The following DAB2IP variants were observed in gnomAD, a reference collection of about 807,000 sequenced individuals.
DAB2IP encodes the protein disabled homolog 2-interacting protein.
Under a neutral mutation model 107.2 loss-of-function variants are expected in DAB2IP, and 28 were observed. The ratio of observed to expected loss-of-function variants is 0.26; its 90% CI spans 0.19 to 0.36. The LOEUF (loss-of-function observed/expected upper bound fraction) is 0.36, where lower values mean the gene tolerates loss of function less well. DAB2IP is among the 10% of genes least tolerant of loss of function. The pLI, the probability that DAB2IP is intolerant of heterozygous loss-of-function variation, is 1.00. For synonymous variants in DAB2IP, 755 were observed against 706.4 expected (o/e 1.07, Z -1.09); for missense variants, 1,400 against 1,644.7 (o/e 0.85, Z 2.57).
At chr9:121,639,882 G>A (rs1257219822) in intron 1 of DAB2IP, among the ~76,000 whole-genome samples, 1 of 152,202 alleles carries the variant, frequency 6.6e-6, no homozygotes, top group Non-Finnish European at 1.5e-5. Context: ...GCCCGCTGAT[G>A]AAAAATGCAG....
chr9:121,677,978 A>T (rs932258726), intron 1 of DAB2IP, among the ~76,000 whole-genome samples: 25 of 152,080 alleles, frequency 1.6e-4, no homozygotes, highest in Admixed American at 1.2e-3. Context: ...CCCCCTTTTT[A>T]AAAAATTGCG....
intron 3 of DAB2IP, among the ~76,000 whole-genome samples, chr9:121,713,898 GAC>G (rs1830460899): frequency 6.6e-6 from 1 of 152,204 alleles, no homozygotes; most frequent in Non-Finnish European, 1.5e-5. Flanking sequence ...CTGCTCTGCT[GAC>G]ACATGGACCC....
At chr9:121,657,214 C>T in intron 1 of DAB2IP, among the ~76,000 whole-genome samples, 1 of 152,104 alleles carries the variant, frequency 6.6e-6, no homozygotes, top group Non-Finnish European at 1.5e-5. Flanking sequence ...CCACCAAAGC[C>T]CTTAGTGCTG....
intron 1 of DAB2IP, among the ~76,000 whole-genome samples, chr9:121,569,639 G>T (rs1829887228): frequency 6.6e-6 from 1 of 152,132 alleles, no homozygotes; most frequent in Non-Finnish European, 1.5e-5. Context: ...GGCCAACATG[G>T]TGAAACCCCA....
At chr9:121,757,049 C>T in exon 4 of DAB2IP, 1 of 1,614,198 alleles carries the variant, frequency 6.2e-7, no homozygotes, top group Non-Finnish European at 8.5e-7. Flanking sequence ...AGTCTCGCTC[C>T]CACGAGTCCC....
At chr9:121,620,726 T>C (rs953011862) in intron 1 of DAB2IP, among the ~76,000 whole-genome samples, 2 of 152,160 alleles carry the variant, frequency 1.3e-5, no homozygotes, top group African/African-American at 4.8e-5. Flanking sequence ...TGTTTCTCTA[T>C]TGAGACTTCT....
chr9:121,642,170 T>G (rs1435418580), intron 1 of DAB2IP, among the ~76,000 whole-genome samples: 2 of 151,028 alleles, frequency 1.3e-5, no homozygotes, highest in Middle Eastern at 3.4e-3. Flanking sequence ...AGCCTCAACC[T>G]CCCTGGCTCA....
chr9:121,774,974 T>A (rs1835092628), intron 13 of DAB2IP, among the ~76,000 whole-genome samples: 1 of 152,220 alleles, frequency 6.6e-6, no homozygotes, highest in South Asian at 2.1e-4. Flanking sequence ...CATTGAGATG[T>A]TTTCTTCCCC....
At chr9:121,704,764 T>A (rs185368561) in intron 3 of DAB2IP, among the ~76,000 whole-genome samples, 1 of 152,352 alleles carries the variant, frequency 6.6e-6, no homozygotes, top group East Asian at 1.9e-4. Flanking sequence ...TTCATAAGGA[T>A]GCCCTGTATT....
intron 3 of DAB2IP, among the ~76,000 whole-genome samples, chr9:121,750,119 A>G (rs923543056): frequency 2.6e-5 from 4 of 152,174 alleles, no homozygotes; most frequent in South Asian, 2.1e-4. Context: ...AGAGCAACCC[A>G]TGAGGAAGGT....
At chr9:121,700,748 G>A (rs1486331120) in intron 3 of DAB2IP, among the ~76,000 whole-genome samples, 4 of 152,040 alleles carry the variant, frequency 2.6e-5, no homozygotes, top group South Asian at 2.1e-4. Context: ...AATTTCCATC[G>A]TCCCAGAGCC....
intron 1 of DAB2IP, among the ~76,000 whole-genome samples, chr9:121,624,483 C>T (rs1285555070): frequency 2.0e-5 from 3 of 152,230 alleles, no homozygotes; most frequent in South Asian, 4.1e-4. Flanking sequence ...GGTAAAAATA[C>T]AGTCATGTGC....
chr9:121,769,399 C>T (rs1327643440), intron 10 of DAB2IP, among the ~76,000 whole-genome samples: 1 of 152,130 alleles, frequency 6.6e-6, no homozygotes, highest in African/African-American at 2.4e-5. Context: ...AGCTCTTTTC[C>T]TTCTTCAGTT....
exon 2 of DAB2IP, chr9:121,678,738 G>A: frequency 6.3e-7 from 1 of 1,599,104 alleles, no homozygotes. Flanking sequence ...TCCGAGAAGA[G>A]CCCCAGCATG....
chr9:121,681,157 A>G (rs563800909), intron 2 of DAB2IP, among the ~76,000 whole-genome samples: 3 of 152,038 alleles, frequency 2.0e-5, no homozygotes, highest in East Asian at 3.9e-4. Flanking sequence ...CCAAGCTCCA[A>G]CTGCTACTAA....
chr9:121,583,723 A>G (rs1830254381), intron 1 of DAB2IP, among the ~76,000 whole-genome samples: 2 of 152,172 alleles, frequency 1.3e-5, no homozygotes, highest in Admixed American at 6.5e-5. Flanking sequence ...CCATCCGTGG[A>G]TCCCAGATTC....
Position 121,782,598 on chromosome 9 carries a change from G to C in DAB2IP, c.*100G>C. The C allele has an allele frequency of 6.5e-7, 1 of 1,538,736 alleles. No individual in the cohort carries two copies. Among genetic ancestry groups the C allele is most frequent in the South Asian group, 1.3e-5 (1 of 79,866 alleles). Reference sequence around the variant, plus strand: ...AGGCACCCACGGTTGCAGCCCCAGCGCGGGTGTCAGGAGGCCGAGCCTCCC... The same window carrying C: ...AGGCACCCACGGTTGCAGCCCCAGCCCGGGTGTCAGGAGGCCGAGCCTCCC... On this transcript the variant is annotated 3_prime_UTR_variant, in exon 16 of 16. Transcript: ENST00000408936. The surrounding 1 kb of genome is among the most constrained non-coding windows in gnomAD (Gnocchi z 6.1).
intron 1 of DAB2IP, among the ~76,000 whole-genome samples, chr9:121,656,034 G>A (rs1213108156): frequency 6.6e-6 from 1 of 150,428 alleles, no homozygotes; most frequent in East Asian, 2.0e-4. Context: ...TTGAGACGGA[G>A]TTTTGCTTTT....
At chr9:121,583,590 G>A (rs1458526172) in intron 1 of DAB2IP, among the ~76,000 whole-genome samples, 1 of 151,970 alleles carries the variant, frequency 6.6e-6, no homozygotes, top group Non-Finnish European at 1.5e-5. Flanking sequence ...CCTGGGCACA[G>A]GCTGGCTTTG....
Sources: allele counts gnomAD v4.1 joint callset (sites outside exome capture counted in the v4.1 genomes callset), GRCh38; gene constraint gnomAD v4.1.1; non-coding constraint Gnocchi (gnomAD v3.1); transcripts MANE v1.5; gene names NCBI Gene and HGNC (gene_info 2026-07-23, HGNC 2026-07-21).